Variants in TXNRD1 observed in about 807,000 individuals in gnomAD.
The protein encoded by TXNRD1 is thioredoxin reductase 1.
TXNRD1 carries 57 observed loss-of-function variants against 80.3 expected under a neutral mutation model. The ratio of observed to expected loss-of-function variants is 0.71; its 90% CI spans 0.57 to 0.89. The LOEUF (loss-of-function observed/expected upper bound fraction) is 0.89, where lower values mean the gene tolerates loss of function less well. Ranked by LOEUF, TXNRD1 falls within the 40% of genes least tolerant of loss-of-function variation. The pLI is 0.00. For missense variants in TXNRD1, 730 were observed against 803.0 expected, an observed-to-expected ratio of 0.91 and a Z score of 1.10; for synonymous variants, 291 against 285.2, an observed-to-expected ratio of 1.02 and a Z score of -0.20.
chr12:104,334,587 G>A (rs1294661020), intron 15 of TXNRD1, among the ~76,000 whole-genome samples: 1 of 152,164 alleles, frequency 6.6e-6, no homozygotes, highest in East Asian at 1.9e-4. Context: ...GGCCAGGCTG[G>A]TCTTGAACAC....
At position 104,215,816 on chromosome 12, in the gene TXNRD1, A is replaced by AG; in HGVS notation, c.17dup (p.Lys7GlnfsTer23). Reference sequence around the variant, plus strand: ...GCCTTGTGCGACATGGGCTGCGCCGAGGGCAAGGCAGTGGCGGCGGCCGCC... The same window carrying AG: ...GCCTTGTGCGACATGGGCTGCGCCGAGGGGCAAGGCAGTGGCGGCGGCCGCC... On this transcript the variant is annotated frameshift_variant, in exon 1 of 17. Coordinates refer to ENST00000525566, the MANE Select transcript of TXNRD1 (RefSeq NM_001093771.3). LOFTEE classifies it high-confidence loss of function. 1 of 1,562,764 alleles carries AG rather than the reference A, an allele frequency of 6.4e-7. No homozygotes were observed. Among genetic ancestry groups the AG allele is most frequent in the Non-Finnish European group, 8.7e-7 (1 of 1,154,218 alleles).
intron 16 of TXNRD1, among the ~76,000 whole-genome samples, chr12:104,342,300 A>G (rs552359724): frequency 6.6e-6 from 1 of 152,314 alleles, no homozygotes; most frequent in African/African-American, 2.4e-5. Context: ...GAGTCACATC[A>G]TTAGCATAAG....
intron 9 of TXNRD1, among the ~76,000 whole-genome samples, chr12:104,320,477 G>A (rs553993906): frequency 6.9e-4 from 105 of 152,204 alleles, no homozygotes; most frequent in African/African-American, 2.4e-3. Flanking sequence ...GTTAATGTGT[G>A]CATTTTGGGG....
Position 104,289,045 on chromosome 12 carries a change from G to A in TXNRD1, c.414+5G>A. 6.2e-7 allele frequency: 1 copy of A among 1,612,604 alleles called. No individual in the cohort carries two copies. The highest frequency in any genetic ancestry group is 8.5e-7 in the Non-Finnish European group (1 of 1,178,874). On this transcript the variant is annotated splice_donor_5th_base_variant and intron_variant, in intron 4 of 16. Transcript: ENST00000525566. ...GGCCATGGTCCAACCTTGAAGGTAG[G>A]AGAGAGTAACGTATCTTTTTAAACG...
intron 3 of TXNRD1, among the ~76,000 whole-genome samples, chr12:104,278,124 G>A (rs1464222913): frequency 6.7e-6 from 1 of 149,024 alleles, no homozygotes; most frequent in Non-Finnish European, 1.5e-5. Flanking sequence ...TGATCCACCC[G>A]CCTCAGCCTC....
chr12:104,266,751 C>G lies in TXNRD1; in HGVS notation c.304+8672C>G, dbSNP rs376775792. Among the ~76,000 whole-genome samples the G allele has an allele frequency of 1.8e-4, 28 of 152,062 alleles. 1 individual carries two copies. The South Asian group carries it at 5.8e-3, about 31-fold the overall frequency. ...GGCCGAGGCGAGCGGATCACGAGGT[C>G]AGGAGATCAAGACCATCTGGCTAAC... On this transcript the variant is annotated intron_variant, in intron 3 of 16. Transcript: ENST00000525566.
At chr12:104,267,699 T>TTCTTTCTCTCTC (rs1555209251) in intron 3 of TXNRD1, among the ~76,000 whole-genome samples, 218 of 46,414 alleles carry the variant, frequency 4.7e-3, no homozygotes, top group African/African-American at 0.014. Flanking sequence ...CTTTCTTTCT[T>TTCTTTCTCTCTC]TCTCTCTTTC....
At chr12:104,319,712 T>TCG in intron 9 of TXNRD1, 127 bp downstream of exon 9, 1 of 700,392 alleles carries the variant, frequency 1.4e-6, no homozygotes, top group South Asian at 1.7e-5. Context: ...GTGCCCTCTC[T>TCG]GGGGGCAGGG....
intron 1 of TXNRD1, among the ~76,000 whole-genome samples, chr12:104,219,418 T>A (rs766575641): frequency 6.6e-6 from 1 of 152,206 alleles, no homozygotes; most frequent in Non-Finnish European, 1.5e-5. Flanking sequence ...CAACCGAGCA[T>A]CTATTATTTA....
chr12:104,222,635 T>C (rs1173126147), intron 1 of TXNRD1, among the ~76,000 whole-genome samples: 1 of 152,150 alleles, frequency 6.6e-6, no homozygotes, highest in East Asian at 1.9e-4. Flanking sequence ...GGCAGATCAC[T>C]TGAGGTCAGG....
chr12:104,273,514 A>G (rs1165984996), intron 3 of TXNRD1, among the ~76,000 whole-genome samples: 2 of 151,660 alleles, frequency 1.3e-5, no homozygotes, highest in Non-Finnish European at 2.9e-5. Flanking sequence ...AATCGCTTGA[A>G]CCCAGGAGGC....
intron 3 of TXNRD1, among the ~76,000 whole-genome samples, chr12:104,281,219 C>T (rs1418010694): frequency 6.6e-6 from 1 of 152,134 alleles, no homozygotes; most frequent in African/African-American, 2.4e-5. Context: ...CTAGCGTTAT[C>T]ATTGATTCTC....
chr12:104,240,250 G>A (rs1266026117), intron 1 of TXNRD1, among the ~76,000 whole-genome samples: 1 of 152,196 alleles, frequency 6.6e-6, no homozygotes, highest in Non-Finnish European at 1.5e-5. Context: ...ATCAGAGAGA[G>A]TCTAAGTACC....
intron 3 of TXNRD1, 184 bp from the exon 4 acceptor site, chr12:104,288,747 A>G (rs2034062759): frequency 6.8e-7 from 1 of 1,474,592 alleles, no homozygotes; most frequent in African/African-American, 1.4e-5. Context: ...GTCAGACTCC[A>G]AGCTTGATTG....
At chr12:104,245,080 C>T (rs1192468611) in intron 1 of TXNRD1, among the ~76,000 whole-genome samples, 1 of 151,998 alleles carries the variant, frequency 6.6e-6, no homozygotes, top group African/African-American at 2.4e-5. Flanking sequence ...GGGACTATCC[C>T]CATTTAACTA....
intron 13 of TXNRD1, among the ~76,000 whole-genome samples, chr12:104,329,315 T>TAA (rs142233623): frequency 6.8e-6 from 1 of 146,978 alleles, no homozygotes; most frequent in Non-Finnish European, 1.5e-5. Context: ...GTGGTTTCCT[T>TAA]AAAAAAAAAA....
chr12:104,325,482 T>A lies in TXNRD1; in HGVS notation c.1308+53T>A, dbSNP rs2035726251. 3.8e-6 allele frequency: 5 copies of A among 1,300,718 alleles called. No individual in the cohort carries two copies. In the African/African-American group the frequency reaches 7.3e-5, roughly 19 times the overall value. The allele number at this position is 1,300,718 out of a possible 1,614,324, so 80.6% of individuals were successfully genotyped here. ...TATCAGAAAGCAAATAACATGCTTA[T>A]TGGGTATCTTATAGGAACTTAAAAT... On this transcript the variant is annotated intron_variant, in intron 11 of 16. Coordinates refer to ENST00000525566, the MANE Select transcript of TXNRD1 (RefSeq NM_001093771.3).
intron 2 of TXNRD1, among the ~76,000 whole-genome samples, chr12:104,253,175 G>T (rs960157639): frequency 1.3e-5 from 2 of 152,034 alleles, no homozygotes. Context: ...CGTTCTGCAT[G>T]TGTGTGTGTC....
intron 1 of TXNRD1, among the ~76,000 whole-genome samples, chr12:104,233,495 G>A (rs1258337905): frequency 6.6e-6 from 1 of 152,094 alleles, no homozygotes; most frequent in Non-Finnish European, 1.5e-5. Flanking sequence ...AAATAAAAAT[G>A]CTCCAAATTT....
Sources: gnomAD v4.1 joint callset for allele counts (sites outside exome capture counted in the v4.1 genomes callset) on GRCh38, gnomAD v4.1.1 for gene constraint, MANE v1.5 for transcripts, NCBI Gene and HGNC (gene_info 2026-07-23, HGNC 2026-07-21) for gene names.